MIPOL1: variants seen among roughly 807,000 people sequenced by gnomAD.
The protein encoded by MIPOL1 is mirror-image polydactyly gene 1 protein.
Under a neutral mutation model 60.9 loss-of-function variants are expected in MIPOL1, and 57 were observed. The observed-to-expected ratio is 0.94, with a 90% CI of 0.76 to 1.17. The LOEUF (loss-of-function observed/expected upper bound fraction) is 1.17, where lower values mean the gene tolerates loss of function less well. Ranked by LOEUF, MIPOL1 falls within the 50% of genes most tolerant of loss-of-function variation. MIPOL1 has a pLI of 0.00. For synonymous variants in MIPOL1, 179 were observed against 168.8 expected (o/e 1.06, Z -0.47); for missense variants, 551 against 511.6 (o/e 1.08, Z -0.74).
chr14:37,317,623 T>C (rs2088064576), intron 9 of MIPOL1, among the ~76,000 whole-genome samples: 2 of 152,122 alleles, frequency 1.3e-5, no homozygotes, highest in African/African-American at 2.4e-5. Flanking sequence ...GAGTGTGGTA[T>C]CACAGAAGGC....
chr14:37,422,975 A>G, intron 11 of MIPOL1, 26 bp downstream of exon 11: 1 of 1,394,848 alleles, frequency 7.2e-7, no homozygotes, highest in South Asian at 1.2e-5. Flanking sequence ...GCCTGGGGTT[A>G]AGTAAATATT....
intron 12 of MIPOL1, among the ~76,000 whole-genome samples, chr14:37,544,967 C>A (rs1451061900): frequency 6.6e-6 from 1 of 152,170 alleles, no homozygotes; most frequent in African/African-American, 2.4e-5. Flanking sequence ...AAGCACAACA[C>A]AGATTCATCT....
At chr14:37,324,733 G>A (rs1397749525) in intron 9 of MIPOL1, among the ~76,000 whole-genome samples, 1 of 152,046 alleles carries the variant, frequency 6.6e-6, no homozygotes, top group Non-Finnish European at 1.5e-5. Context: ...TGTATGGTAA[G>A]ATAAAGATTG....
intron 11 of MIPOL1, among the ~76,000 whole-genome samples, chr14:37,486,226 T>G (rs1248667914): frequency 6.6e-6 from 1 of 152,210 alleles, no homozygotes; most frequent in Non-Finnish European, 1.5e-5. Context: ...CCATGCTGTT[T>G]TGGTTACTAT....
At chr14:37,524,703 A>G (rs1045385238) in intron 12 of MIPOL1, among the ~76,000 whole-genome samples, 29 of 151,068 alleles carry the variant, frequency 1.9e-4, no homozygotes, top group African/African-American at 6.8e-4. Context: ...AGTAGCTGGG[A>G]TTACAGGCAC....
At chr14:37,304,564 A>G (rs2086628150) in intron 7 of MIPOL1, among the ~76,000 whole-genome samples, 1 of 151,846 alleles carries the variant, frequency 6.6e-6, no homozygotes, top group Non-Finnish European at 1.5e-5. Flanking sequence ...TTTTCTGATT[A>G]GAATAAAAGC....
intron 10 of MIPOL1, among the ~76,000 whole-genome samples, chr14:37,404,090 A>G (rs1056218209): frequency 1.3e-5 from 2 of 152,218 alleles, no homozygotes; most frequent in Non-Finnish European, 2.9e-5. Context: ...ATGGTATTTT[A>G]TCAGTATGGT....
rs371225879 is a variant in MIPOL1 at position 37,462,734 on chromosome 14, C to T, written c.1032-37174C>T. ...AGGGCAGGGACAAAATGCTGCCAGT[C>T]GCTTTATTAAAACATAACAGGAGTG... On this transcript the variant is annotated intron_variant, in intron 11 of 12. Coordinates refer to ENST00000684589, the MANE Select transcript of MIPOL1 (RefSeq NM_001388067.1). Among the ~76,000 whole-genome samples, 235 of 152,276 alleles carry T rather than the reference C, an allele frequency of 1.5e-3. 4 individuals carry two copies. In the South Asian group the frequency reaches 0.046, roughly 30 times the overall value.
chr14:37,371,312 G>A (rs1334401106), intron 10 of MIPOL1, among the ~76,000 whole-genome samples: 1 of 151,822 alleles, frequency 6.6e-6, no homozygotes, highest in East Asian at 1.9e-4. Context: ...TAGAGTCGAG[G>A]TTTCACTATG....
At chr14:37,344,910 G>A (rs1284079384) in intron 9 of MIPOL1, among the ~76,000 whole-genome samples, 2 of 151,418 alleles carry the variant, frequency 1.3e-5, no homozygotes, top group African/African-American at 2.4e-5. Context: ...TGCTCCTGTG[G>A]TCCTAGCTAT....
intron 9 of MIPOL1, among the ~76,000 whole-genome samples, chr14:37,328,235 G>C (rs1377129031): frequency 6.6e-6 from 1 of 151,944 alleles, no homozygotes; most frequent in Admixed American, 6.6e-5. Context: ...GGCTGGTCTT[G>C]AACTCCTGAC....
At chr14:37,395,162 C>G (rs577298862) in intron 10 of MIPOL1, among the ~76,000 whole-genome samples, 2 of 152,080 alleles carry the variant, frequency 1.3e-5, no homozygotes, top group African/African-American at 2.4e-5. Flanking sequence ...GTGATGATAG[C>G]CTTATAGTAT....
At chr14:37,453,375 A>G (rs1489252892) in intron 11 of MIPOL1, among the ~76,000 whole-genome samples, 1 of 152,102 alleles carries the variant, frequency 6.6e-6, no homozygotes, top group Non-Finnish European at 1.5e-5. Flanking sequence ...AGAACCTGGA[A>G]TTTATATTTA....
chr14:37,235,830 A>C (rs1971377888), intron 1 of MIPOL1, among the ~76,000 whole-genome samples: 1 of 152,090 alleles, frequency 6.6e-6, no homozygotes, highest in Admixed American at 6.5e-5. Flanking sequence ...TATAAGTGGA[A>C]TCATAAAGTA....
At chr14:37,210,351 C>T (rs964973321) in intron 1 of MIPOL1, among the ~76,000 whole-genome samples, 2 of 151,958 alleles carry the variant, frequency 1.3e-5, no homozygotes, top group African/African-American at 4.8e-5. Context: ...TTCCCATTAC[C>T]TTCTCTTTAG....
At chr14:37,344,684 A>G (rs2090816206) in intron 9 of MIPOL1, among the ~76,000 whole-genome samples, 1 of 152,136 alleles carries the variant, frequency 6.6e-6, no homozygotes, top group Non-Finnish European at 1.5e-5. Context: ...ATATTTCTCT[A>G]AAGAGAGCTA....
chr14:37,307,983 T>C, intron 7 of MIPOL1, 73 bp from the exon 8 acceptor site: 2 of 1,284,406 alleles, frequency 1.6e-6, no homozygotes, highest in Non-Finnish European at 2.2e-6. Context: ...GTTCTAAAGA[T>C]TTAAAAAGCG....
Position 37,547,153 on chromosome 14 carries a change from G to C in MIPOL1, c.*182G>C. On this transcript the variant is annotated 3_prime_UTR_variant, in exon 13 of 13. Transcript: ENST00000684589. ...TGTTTAACCACTTTGCTGCTGACTTGAGTTATTTATCCAAATATATTAACT... is the reference window on the plus strand; with the variant it reads ...TGTTTAACCACTTTGCTGCTGACTTCAGTTATTTATCCAAATATATTAACT... 1 of 558,954 alleles carries C rather than the reference G, an allele frequency of 1.8e-6. No individual in the cohort carries two copies. Among genetic ancestry groups the C allele is most frequent in the South Asian group, 2.6e-5 (1 of 38,606 alleles). 34.6% of individuals were successfully genotyped at this position (558,954 alleles called of 1,614,324 possible).
At position 37,542,524 on chromosome 14, in the gene MIPOL1, C is replaced by T. The variant is rs1257475875; in HGVS notation, c.1263-4381C>T. On this transcript the variant is annotated intron_variant, in intron 12 of 12. Coordinates refer to ENST00000684589, the MANE Select transcript of MIPOL1 (RefSeq NM_001388067.1). Reference sequence around the variant, plus strand: ...CTGGCAGTACTTGAAACACATCAAACTTTTTATACCTGTGTGTTATTTCCT... The same window carrying T: ...CTGGCAGTACTTGAAACACATCAAATTTTTTATACCTGTGTGTTATTTCCT... Among the ~76,000 whole-genome samples, 3 of 152,040 alleles carry T rather than the reference C, an allele frequency of 2.0e-5. No homozygotes were observed. The East Asian group carries it at 5.8e-4, about 29-fold the overall frequency.
Sources: allele counts gnomAD v4.1 joint callset (sites outside exome capture counted in the v4.1 genomes callset), GRCh38; gene constraint gnomAD v4.1.1; transcripts MANE v1.5; gene names NCBI Gene and HGNC (gene_info 2026-07-23, HGNC 2026-07-21).